Variants in NHEJ1 observed in about 807,000 individuals in gnomAD.
NHEJ1 encodes the protein non-homologous end-joining factor 1.
Under a neutral mutation model 39.4 loss-of-function variants are expected in NHEJ1, and 22 were observed. That is an observed-to-expected ratio of 0.56 (90% CI 0.40 to 0.80). The LOEUF (loss-of-function observed/expected upper bound fraction) is 0.80, where lower values mean the gene tolerates loss of function less well. NHEJ1 is among the 30% of genes least tolerant of loss of function. NHEJ1 has a pLI of 0.00. For missense variants in NHEJ1, 329 were observed against 357.1 expected, an observed-to-expected ratio of 0.92 and a Z score of 0.63; for synonymous variants, 154 against 135.6, an observed-to-expected ratio of 1.14 and a Z score of -0.94.
intron 3 of NHEJ1, among the ~76,000 whole-genome samples, chr2:219,154,388 G>A (rs981735408): frequency 6.6e-6 from 1 of 152,164 alleles, no homozygotes; most frequent in African/African-American, 2.4e-5. Flanking sequence ...AGGAAAAGGA[G>A]GGACTAGGGA....
chr2:219,095,773 C>T (rs963806568), intron 5 of NHEJ1, among the ~76,000 whole-genome samples: 1 of 151,842 alleles, frequency 6.6e-6, no homozygotes, highest in African/African-American at 2.4e-5. Flanking sequence ...AAACATTTTC[C>T]AGGAGGTAAT....
chr2:219,102,722 A>T (rs80315800), intron 5 of NHEJ1: 3 of 152,028 alleles, frequency 2.0e-5, no homozygotes, highest in Non-Finnish European at 4.4e-5. Flanking sequence ...AAAAAAAAAA[A>T]GCTGGGCACA....
intron 3 of NHEJ1, among the ~76,000 whole-genome samples, chr2:219,149,424 T>A (rs1949774284): frequency 6.6e-6 from 1 of 152,002 alleles, no homozygotes; most frequent in African/African-American, 2.4e-5. Flanking sequence ...GAGTCCAGCC[T>A]GGGAAACGTG....
chr2:219,075,218 T>A lies in NHEJ1; in HGVS notation c.*1163A>T, dbSNP rs918332176. ...CTCACTTCAGGATCCAATTTCTTAA[T>A]GGGTTAACAGCATCTTCCTCATATG... On this transcript the variant is annotated 3_prime_UTR_variant, in exon 8 of 8. Coordinates refer to ENST00000356853, the MANE Select transcript of NHEJ1 (RefSeq NM_024782.3). The A allele has an allele frequency of 1.3e-5, 2 of 152,254 alleles. No individual in the cohort carries two copies. Among genetic ancestry groups the A allele is most frequent in the Non-Finnish European group, 1.5e-5 (1 of 68,042 alleles). 9.4% of individuals were successfully genotyped at this position (152,254 alleles called of 1,614,324 possible).
At chr2:219,084,329 G>A (rs1446691220) in intron 5 of NHEJ1, among the ~76,000 whole-genome samples, 1 of 152,134 alleles carries the variant, frequency 6.6e-6, no homozygotes, top group African/African-American at 2.4e-5. Context: ...ACTTAGGATG[G>A]ATTTATTGGG....
At chr2:219,115,803 A>G (rs1333370643) in intron 5 of NHEJ1, among the ~76,000 whole-genome samples, 4 of 152,186 alleles carry the variant, frequency 2.6e-5, no homozygotes, top group Non-Finnish European at 5.9e-5. Context: ...CAGAGACCCC[A>G]TAAGAAAAAG....
intron 5 of NHEJ1, among the ~76,000 whole-genome samples, chr2:219,079,518 A>T (rs1352107982): frequency 6.6e-6 from 1 of 152,226 alleles, no homozygotes; most frequent in East Asian, 1.9e-4. Context: ...GAAATGTCAC[A>T]TACATTTCTA....
chr2:219,125,858 T>C (rs1162095029), intron 5 of NHEJ1, among the ~76,000 whole-genome samples: 1 of 152,236 alleles, frequency 6.6e-6, no homozygotes, highest in Non-Finnish European at 1.5e-5. Flanking sequence ...TCCTCTGCCT[T>C]ACTTGTTCCG....
In NHEJ1 at chr2:219,073,508, C is replaced by A. The variant is rs1365147475; in HGVS notation, c.*2873G>T. Among the ~76,000 whole-genome samples, 35 of 152,172 alleles carry A rather than the reference C, an allele frequency of 2.3e-4. No individual in the cohort carries two copies. The highest frequency in any genetic ancestry group is 2.3e-3 in the Admixed American group (35 of 15,282). ...AAAGGGATGAGGCTTTCTCTCCAAG[C>A]AGGGAGCATGCCTGTCCTAGCTAAC... On this transcript the variant is annotated 3_prime_UTR_variant, in exon 8 of 8. Coordinates refer to ENST00000356853, the MANE Select transcript of NHEJ1 (RefSeq NM_024782.3).
intron 5 of NHEJ1, among the ~76,000 whole-genome samples, chr2:219,134,971 C>T (rs1336781442): frequency 2.8e-5 from 4 of 141,834 alleles, no homozygotes; most frequent in Non-Finnish European, 6.0e-5. Context: ...AACCAGAAGG[C>T]GGAGGTTGCA....
chr2:219,157,366 G>A, intron 3 of NHEJ1, 106 bp downstream of exon 3: 2 of 950,516 alleles, frequency 2.1e-6, no homozygotes, highest in Non-Finnish European at 3.3e-6. Context: ...TTTTCTGATT[G>A]GAGAAGAATT....
chr2:219,080,584 CGCTTATATATATATGCTAATATATATAA>C (rs1559185842), intron 5 of NHEJ1, among the ~76,000 whole-genome samples: 1 of 80,628 alleles, frequency 1.2e-5, no homozygotes, highest in Non-Finnish European at 3.1e-5. Flanking sequence ...TATATATATA[CGCTTATATATATATGCTAATATATATAA>C]GCTTATATAT....
rs116957949 is a variant in NHEJ1, at chr2:219,149,431, C to T, written c.391-1636G>A. On this transcript the variant is annotated intron_variant, in intron 3 of 7. Coordinates refer to ENST00000356853, the MANE Select transcript of NHEJ1 (RefSeq NM_024782.3). ...AAGAGTTCGAGTCCAGCCTGGGAAA[C>T]GTGATGAAACCCAGTCTCTACAAAA... Among the ~76,000 whole-genome samples, 55 of 152,014 alleles carry T rather than the reference C, an allele frequency of 3.6e-4. No individual in the cohort carries two copies. The East Asian group carries it at 8.8e-3, about 24-fold the overall frequency.
chr2:219,073,682 A>G lies in NHEJ1; in HGVS notation c.*2699T>C, dbSNP rs1411554369. On this transcript the variant is annotated 3_prime_UTR_variant, in exon 8 of 8. Coordinates refer to ENST00000356853, the MANE Select transcript of NHEJ1 (RefSeq NM_024782.3). ...GGCTTGCTCGTGTAAACCACCTTAT[A>G]TTATTTTTTTTTCTAAAAATACTCC... Among the ~76,000 whole-genome samples, 1 of 152,078 alleles carries G rather than the reference A, an allele frequency of 6.6e-6. No homozygotes were observed. The highest frequency in any genetic ancestry group is 1.5e-5 in the Non-Finnish European group (1 of 68,014).
Position 219,075,329 on chromosome 2 carries a change from G to C in NHEJ1, c.*1052C>G. On this transcript the variant is annotated 3_prime_UTR_variant, in exon 8 of 8. Transcript: ENST00000356853. ...TAAATGTTAGCTATTTATTATTGTT[G>C]TTCTTATTATAATTATTTTATTATT... 1 of 152,076 alleles carries C rather than the reference G, an allele frequency of 6.6e-6. No homozygotes were observed. The highest frequency in any genetic ancestry group is 1.9e-4 in the East Asian group (1 of 5,190). The allele number at this position is 152,076 out of a possible 1,614,324, so 9.4% of individuals were successfully genotyped here. A position where few individuals can be genotyped will look rare whatever the true frequency, so the allele number is the denominator to read the frequency against.
intron 5 of NHEJ1, among the ~76,000 whole-genome samples, chr2:219,134,432 T>C (rs1949606007): frequency 6.6e-6 from 1 of 152,240 alleles, no homozygotes; most frequent in Non-Finnish European, 1.5e-5. Context: ...GTATGGACTT[T>C]ATATTTGTTA....
At chr2:219,122,552 T>C (rs1420642492) in intron 5 of NHEJ1, among the ~76,000 whole-genome samples, 3 of 152,212 alleles carry the variant, frequency 2.0e-5, no homozygotes, top group African/African-American at 7.2e-5. Flanking sequence ...ATAACATTAA[T>C]AACAGCCATT....
chr2:219,143,129 C>A (rs1949707045), intron 5 of NHEJ1, among the ~76,000 whole-genome samples: 5 of 152,272 alleles, frequency 3.3e-5, no homozygotes, highest in Admixed American at 2.6e-4. Context: ...CCCTCTGACA[C>A]CAGCCCTGGC....
chr2:219,159,609 A>G (rs1208116937), intron 1 of NHEJ1, among the ~76,000 whole-genome samples: 2 of 142,006 alleles, frequency 1.4e-5, no homozygotes, highest in Non-Finnish European at 3.0e-5. Flanking sequence ...ATGCATATAT[A>G]TACATATACG....
Sources: allele counts gnomAD v4.1 joint callset (sites outside exome capture counted in the v4.1 genomes callset), GRCh38; gene constraint gnomAD v4.1.1; transcripts MANE v1.5; gene names NCBI Gene and HGNC (gene_info 2026-07-23, HGNC 2026-07-21).